The following NDST3 variants were observed in gnomAD, a reference collection of about 807,000 sequenced individuals.
The protein encoded by NDST3 is N-deacetylase and N-sulfotransferase 3, also known as bifunctional heparan sulfate N-deacetylase/N-sulfotransferase 3.
A neutral mutation model predicts 96.1 loss-of-function variants in NDST3; 58 were observed. The observed-to-expected ratio is 0.60, with a 90% confidence interval of 0.49 to 0.75. NDST3 has a LOEUF of 0.75. NDST3 is among the 30% of genes least tolerant of loss of function. The pLI is 0.00. For missense variants in NDST3, 788 were observed against 1,034.2 expected (o/e 0.76, Z 3.27); for synonymous variants, 333 against 359.7 (o/e 0.93, Z 0.84).
intron 1 of NDST3, among the ~76,000 whole-genome samples, chr4:118,046,662 T>A (rs1403519870): frequency 1.3e-5 from 2 of 152,074 alleles, no homozygotes; most frequent in African/African-American, 4.8e-5. Flanking sequence ...AGAATCCAAC[T>A]CCAAGTACCT....
intron 6 of NDST3, among the ~76,000 whole-genome samples, chr4:118,199,744 A>G (rs1737940733): frequency 6.6e-6 from 1 of 152,102 alleles, no homozygotes; most frequent in Non-Finnish European, 1.5e-5. Flanking sequence ...GGGTGTTATG[A>G]TCTAAGCTAT....
intron 6 of NDST3, among the ~76,000 whole-genome samples, chr4:118,159,160 G>A (rs576245417): frequency 2.0e-5 from 3 of 152,266 alleles, no homozygotes; most frequent in African/African-American, 7.2e-5. Flanking sequence ...CAGAAGGGTG[G>A]GTGGATGGTT....
At chr4:118,141,506 CT>C (rs1011057880) in intron 5 of NDST3, among the ~76,000 whole-genome samples, 2 of 152,190 alleles carry the variant, frequency 1.3e-5, no homozygotes, top group African/African-American at 4.8e-5. Context: ...AAGCCTGCCA[CT>C]TCCTCTTCAC....
intron 2 of NDST3, among the ~76,000 whole-genome samples, chr4:118,063,836 A>G (rs1726092636): frequency 6.6e-6 from 1 of 152,182 alleles, no homozygotes; most frequent in African/African-American, 2.4e-5. Context: ...ATGCAGATCT[A>G]CCTGGCTCCA....
intron 9 of NDST3, among the ~76,000 whole-genome samples, chr4:118,236,430 G>A (rs988980630): frequency 3.3e-5 from 5 of 152,024 alleles, no homozygotes; most frequent in Non-Finnish European, 7.4e-5. Context: ...TTTTATATTT[G>A]GAATGTACAT....
chr4:118,092,693 A>G (rs1578622410), intron 2 of NDST3, among the ~76,000 whole-genome samples: 1 of 151,872 alleles, frequency 6.6e-6, no homozygotes, highest in Non-Finnish European at 1.5e-5. Context: ...CATTCAATAA[A>G]TATTTATGAG....
At chr4:118,193,629 T>G in intron 6 of NDST3, 1 of 1,278,254 alleles carries the variant, frequency 7.8e-7, no homozygotes, top group Non-Finnish European at 1.1e-6. Context: ...GCTTCGTTGT[T>G]GGGGTAGAGC....
chr4:118,080,790 T>C (rs765316482), intron 2 of NDST3, among the ~76,000 whole-genome samples: 2 of 152,194 alleles, frequency 1.3e-5, no homozygotes, highest in Non-Finnish European at 2.9e-5. Flanking sequence ...GTGTTTTCCA[T>C]GGCACCATAT....
chr4:118,102,865 C>T (rs1230277313), intron 2 of NDST3, among the ~76,000 whole-genome samples: 1 of 152,010 alleles, frequency 6.6e-6, no homozygotes, highest in East Asian at 1.9e-4. Flanking sequence ...CATATATAGG[C>T]ATAATTAGTA....
In NDST3 at chr4:118,081,638, G is replaced by GC. The variant is rs565932714; in HGVS notation, c.982-23374dup. 1.5e-3 allele frequency among the ~76,000 whole-genome samples: 230 copies of GC among 152,134 alleles called. 1 individual carries two copies. Among genetic ancestry groups the GC allele is most frequent in the African/African-American group, 5.3e-3 (221 of 41,510 alleles). Reference sequence around the variant, plus strand: ...GGCTGTTATGGGCTCATTATTTCCTGCCCCCCAGAGGATGAACTGTGCTAA... The same window carrying GC: ...GGCTGTTATGGGCTCATTATTTCCTGCCCCCCCAGAGGATGAACTGTGCTAA... On this transcript the variant is annotated intron_variant, in intron 2 of 13. Transcript: ENST00000296499.
At chr4:118,123,096 T>G (rs1731741422) in intron 4 of NDST3, among the ~76,000 whole-genome samples, 1 of 152,180 alleles carries the variant, frequency 6.6e-6, no homozygotes, top group Admixed American at 6.5e-5. Context: ...CAGAATACAA[T>G]CTGACTTTTT....
At chr4:118,160,441 T>G (rs1735019809) in intron 6 of NDST3, among the ~76,000 whole-genome samples, 1 of 150,948 alleles carries the variant, frequency 6.6e-6, no homozygotes, top group Non-Finnish European at 1.5e-5. Flanking sequence ...ATAGCCAGTA[T>G]CTATAAGGAA....
At chr4:118,143,456 C>A in intron 5 of NDST3, 100 bp from the exon 6 acceptor site, 2 of 1,256,728 alleles carry the variant, frequency 1.6e-6, no homozygotes, top group Non-Finnish European at 2.2e-6. Context: ...CTGAATAATT[C>A]ACTAGCTTGT....
At chr4:118,103,130 A>T (rs1560644474) in intron 2 of NDST3, among the ~76,000 whole-genome samples, 1 of 152,158 alleles carries the variant, frequency 6.6e-6, no homozygotes, top group Non-Finnish European at 1.5e-5. Flanking sequence ...GCAATCAAGG[A>T]TCACAAAGCA....
intron 3 of NDST3, among the ~76,000 whole-genome samples, chr4:118,112,608 G>A (rs1243462444): frequency 2.0e-5 from 3 of 152,168 alleles, no homozygotes; most frequent in Admixed American, 2.0e-4. Context: ...AAGCAGAGAT[G>A]TTTAAATGCA....
intron 2 of NDST3, among the ~76,000 whole-genome samples, chr4:118,074,000 G>C (rs974790237): frequency 6.6e-6 from 1 of 152,042 alleles, no homozygotes; most frequent in African/African-American, 2.4e-5. Flanking sequence ...TTTTCAAATA[G>C]TTTCCTAATT....
chr4:118,193,980 C>T, intron 6 of NDST3: 1 of 1,038,320 alleles, frequency 9.6e-7, no homozygotes, highest in Non-Finnish European at 1.5e-6. Flanking sequence ...GTGCTCTGCT[C>T]CAGCTTCTCT....
At chr4:118,195,256 C>A (rs1033653272) in intron 6 of NDST3, among the ~76,000 whole-genome samples, 1 of 152,132 alleles carries the variant, frequency 6.6e-6, no homozygotes, top group African/African-American at 2.4e-5. Context: ...GGCTGTGTCC[C>A]TACCCAAATC....
chr4:118,124,420 T>G (rs1211285120), intron 4 of NDST3, among the ~76,000 whole-genome samples: 1 of 152,090 alleles, frequency 6.6e-6, no homozygotes, highest in African/African-American at 2.4e-5. Context: ...TAACTTTGTT[T>G]ATATCCTTCA....
Sources: gnomAD v4.1 joint callset for allele counts (sites outside exome capture counted in the v4.1 genomes callset) on GRCh38, gnomAD v4.1.1 for gene constraint, MANE v1.5 for transcripts, NCBI Gene and HGNC (gene_info 2026-07-23, HGNC 2026-07-21) for gene names.